The following PHF24 variants were observed in gnomAD, a reference collection of about 807,000 sequenced individuals.
The protein encoded by PHF24 is Galpha inhibitory interacting protein.
A neutral mutation model predicts 42.6 loss-of-function variants in PHF24; 25 were observed. That is an observed-to-expected ratio of 0.59 (90% CI 0.43 to 0.82). The LOEUF (loss-of-function observed/expected upper bound fraction) is 0.82. Ranked by LOEUF, PHF24 falls within the 40% of genes least tolerant of loss-of-function variation. The pLI is 0.00. For synonymous variants in PHF24, 185 were observed against 204.8 expected, an observed-to-expected ratio of 0.90 and a Z score of 0.83; for missense variants, 470 against 538.1, an observed-to-expected ratio of 0.87 and a Z score of 1.25.
the PHF24 span, among the ~76,000 whole-genome samples, chr9:34,778,282 T>C: frequency 1.3e-5 from 2 of 152,088 alleles, no homozygotes; most frequent in African/African-American, 4.8e-5. Flanking sequence ...ATATCAATAA[T>C]AACATAAAAG....
chr9:34,888,082 C>A, the PHF24 span, among the ~76,000 whole-genome samples: 15 of 152,186 alleles, frequency 9.9e-5, no homozygotes, highest in African/African-American at 3.6e-4. Context: ...TGCCTCTGTT[C>A]ATGTTGTACT....
chr9:34,726,790 A>T, the PHF24 span: 2 of 1,551,746 alleles, frequency 1.3e-6, no homozygotes, highest in East Asian at 2.4e-5. Flanking sequence ...CCAGACTCTG[A>T]TCTAAAGACA....
At chr9:34,829,713 G>A in the PHF24 span, among the ~76,000 whole-genome samples, 1 of 152,112 alleles carries the variant, frequency 6.6e-6, no homozygotes, top group Non-Finnish European at 1.5e-5. Context: ...CTGGGGTTAT[G>A]AGGCATATTT....
chr9:34,873,091 A>G, the PHF24 span, among the ~76,000 whole-genome samples: 6 of 149,440 alleles, frequency 4.0e-5, no homozygotes, highest in African/African-American at 1.2e-4. Context: ...TTCATTGTAG[A>G]TTCTGGATAT....
chr9:34,886,750 ATCTATCTG>A, the PHF24 span, among the ~76,000 whole-genome samples: 7 of 146,580 alleles, frequency 4.8e-5, no homozygotes, highest in Admixed American at 1.4e-4. Flanking sequence ...CTATCTATCT[ATCTATCTG>A]TCTGTCTGTC....
At chr9:34,768,135 G>C in the PHF24 span, among the ~76,000 whole-genome samples, 1 of 152,142 alleles carries the variant, frequency 6.6e-6, no homozygotes, top group Non-Finnish European at 1.5e-5. Context: ...TTATTTCACT[G>C]GACATGGCTA....
the PHF24 span, among the ~76,000 whole-genome samples, chr9:34,839,660 A>G: frequency 7.2e-5 from 11 of 152,200 alleles, no homozygotes; most frequent in African/African-American, 2.7e-4. Flanking sequence ...TGGCATGGTA[A>G]GTATATTCAG....
intron 6 of PHF24, 86 bp downstream of exon 6, chr9:34,977,329 C>A: frequency 6.8e-7 from 1 of 1,468,976 alleles, no homozygotes; most frequent in South Asian, 1.3e-5. Context: ...TCCCTGCTCC[C>A]CCTGCCAACA....
At chr9:34,803,300 T>G in the PHF24 span, among the ~76,000 whole-genome samples, 2 of 152,076 alleles carry the variant, frequency 1.3e-5, no homozygotes, top group South Asian at 4.1e-4. Flanking sequence ...ATATTTAGTA[T>G]GTTCTAAATG....
the PHF24 span, among the ~76,000 whole-genome samples, chr9:34,812,204 C>T: frequency 1.3e-5 from 2 of 151,842 alleles, no homozygotes; most frequent in African/African-American, 4.8e-5. Flanking sequence ...AGACCCAGCC[C>T]CAATTAAAAC....
chr9:34,918,215 C>A, the PHF24 span: 2 of 1,484,322 alleles, frequency 1.3e-6, no homozygotes, highest in Non-Finnish European at 1.9e-6. Flanking sequence ...CCAACTGTGA[C>A]CCCTTTTCGG....
chr9:34,746,602 C>A, the PHF24 span, among the ~76,000 whole-genome samples: 2 of 152,058 alleles, frequency 1.3e-5, no homozygotes, highest in Non-Finnish European at 2.9e-5. Context: ...ATTAAACATT[C>A]ATTCATTAGG....
the PHF24 span, among the ~76,000 whole-genome samples, chr9:34,671,807 TCATCCATCCATCCATCCATCCATCCATC>T: frequency 6.7e-6 from 1 of 149,822 alleles, no homozygotes; most frequent in East Asian, 2.0e-4. Context: ...TTTTTCTGCC[TCATCCATCCATCCATCCATCCATCCATC>T]CATCCATCCA....
chr9:34,862,409 A>T, the PHF24 span, among the ~76,000 whole-genome samples: 1 of 151,948 alleles, frequency 6.6e-6, no homozygotes, highest in Non-Finnish European at 1.5e-5. Flanking sequence ...TCCACTTGAG[A>T]GGAGAGAGAA....
the PHF24 span, among the ~76,000 whole-genome samples, chr9:34,797,663 TTTC>T: frequency 6.6e-6 from 1 of 151,936 alleles, no homozygotes; most frequent in Non-Finnish European, 1.5e-5. Context: ...CTCGTGTCTT[TTTC>T]TGCTGATCTG....
At chr9:34,875,934 A>ACTCTCTCTCTCT in the PHF24 span, among the ~76,000 whole-genome samples, 80 of 78,088 alleles carry the variant, frequency 1.0e-3, no homozygotes, top group Non-Finnish European at 1.4e-3. Context: ...ACACACACAC[A>ACTCTCTCTCTCT]CACACACACA....
At chr9:34,738,513 G>T in the PHF24 span, among the ~76,000 whole-genome samples, 3 of 152,180 alleles carry the variant, frequency 2.0e-5, no homozygotes, top group South Asian at 6.2e-4. Context: ...ACCATGCCCG[G>T]CTAATTGTAT....
the PHF24 span, among the ~76,000 whole-genome samples, chr9:34,674,433 T>C: frequency 6.6e-6 from 1 of 152,254 alleles, no homozygotes; most frequent in Non-Finnish European, 1.5e-5. Context: ...AAACTTTCTG[T>C]AAATGTCCAG....
the PHF24 span, among the ~76,000 whole-genome samples, chr9:34,931,004 C>A: frequency 6.6e-6 from 1 of 152,256 alleles, no homozygotes; most frequent in East Asian, 1.9e-4. Flanking sequence ...GGGTTAGCAC[C>A]ATCCCTTCAG....
Sources: allele counts gnomAD v4.1 joint callset (sites outside exome capture counted in the v4.1 genomes callset), GRCh38; gene constraint gnomAD v4.1.1; transcripts MANE v1.5; gene names NCBI Gene and HGNC (gene_info 2026-07-23, HGNC 2026-07-21).